Variants in SYNPR observed in about 807,000 individuals in gnomAD.
The protein encoded by SYNPR is synaptoporin.
Under a neutral mutation model 32.9 loss-of-function variants are expected in SYNPR, and 23 were observed. That is an observed-to-expected ratio of 0.70 (90% CI 0.50 to 0.99). SYNPR has a LOEUF of 0.99. SYNPR is among the 50% of genes least tolerant of loss of function. The pLI is 0.00. For missense variants in SYNPR, 318 were observed against 349.3 expected (o/e 0.91, Z 0.71); for synonymous variants, 146 against 135.9 (o/e 1.07, Z -0.52).
At position 63,344,620 on chromosome 3, in the gene SYNPR, T is replaced by C. The variant is rs1485430445; in HGVS notation, c.84+65878T>C. ...GTGTAAGGGAACCAACAAGAGGTAG[T>C]GCAATAACCTGGGATTTGTGTAACT... On this transcript the variant is annotated intron_variant, in intron 2 of 5. Coordinates refer to ENST00000478300, the MANE Select transcript of SYNPR (RefSeq NM_001130003.2). 2.3e-4 allele frequency among the ~76,000 whole-genome samples: 34 copies of C among 147,696 alleles called. 1 individual carries two copies. The highest frequency in any genetic ancestry group is 5.9e-5 in the Non-Finnish European group (4 of 67,564).
At chr3:63,209,876 T>C in the SYNPR span, among the ~76,000 whole-genome samples, 1 of 152,202 alleles carries the variant, frequency 6.6e-6, no homozygotes, top group Non-Finnish European at 1.5e-5. Context: ...GGAAGCTCCA[T>C]GAAACATGGA....
chr3:63,489,985 T>A (rs1701229588), intron 3 of SYNPR, among the ~76,000 whole-genome samples: 1 of 152,016 alleles, frequency 6.6e-6, no homozygotes, highest in Non-Finnish European at 1.5e-5. Flanking sequence ...AGGGATGCAA[T>A]CCCAGTAGGT....
intron 4 of SYNPR, among the ~76,000 whole-genome samples, chr3:63,600,359 G>A (rs943875784): frequency 5.3e-5 from 8 of 152,126 alleles, no homozygotes; most frequent in African/African-American, 9.7e-5. Context: ...CAAATCAATG[G>A]GCTCCCTGCC....
At chr3:63,430,762 C>T (rs540783608) in intron 2 of SYNPR, among the ~76,000 whole-genome samples, 226 of 152,164 alleles carry the variant, frequency 1.5e-3, no homozygotes, top group Non-Finnish European at 2.5e-3. Flanking sequence ...TTTTGCTTAG[C>T]TCCATTTTTT....
At chr3:63,337,816 T>G (rs967994876) in intron 2 of SYNPR, among the ~76,000 whole-genome samples, 1 of 151,984 alleles carries the variant, frequency 6.6e-6, no homozygotes, top group African/African-American at 2.4e-5. Flanking sequence ...AAGGCAAAAC[T>G]ATAGAAACCA....
intron 2 of SYNPR, among the ~76,000 whole-genome samples, chr3:63,347,330 T>G (rs1480075594): frequency 3.3e-5 from 5 of 152,240 alleles, no homozygotes; most frequent in African/African-American, 1.2e-4. Flanking sequence ...TGATAAATTC[T>G]AGAATTTTCT....
Position 63,390,436 on chromosome 3 carries a change from G to A in SYNPR, c.85-90396G>A, listed in dbSNP as rs562967750. 2.6e-5 allele frequency among the ~76,000 whole-genome samples: 4 copies of A among 152,258 alleles called. No individual in the cohort carries two copies. The South Asian group carries it at 8.3e-4, about 32-fold the overall frequency. ...AATGAGAGTGTACACCTAACAGAAA[G>A]GGATCTGAGCTGACCCCTAAAAGAA... On this transcript the variant is annotated intron_variant, in intron 2 of 5. Transcript: ENST00000478300.
chr3:63,474,183 G>C (rs114499613), intron 2 of SYNPR, among the ~76,000 whole-genome samples: 1 of 152,132 alleles, frequency 6.6e-6, no homozygotes, highest in Non-Finnish European at 1.5e-5. Context: ...AAGAACATTG[G>C]AGATTTTACC....
chr3:63,493,144 G>T (rs189079103), intron 3 of SYNPR, among the ~76,000 whole-genome samples: 106 of 152,166 alleles, frequency 7.0e-4, no homozygotes, highest in Non-Finnish European at 1.4e-3. Flanking sequence ...GGTCAAGCTG[G>T]TGTCAACTGA....
At chr3:63,608,445 G>A (rs1360696186) in intron 4 of SYNPR, among the ~76,000 whole-genome samples, 1 of 152,102 alleles carries the variant, frequency 6.6e-6, no homozygotes, top group East Asian at 1.9e-4. Context: ...ATTATTGTAA[G>A]AATAATTTTA....
At chr3:63,422,586 G>T (rs1699820763) in intron 2 of SYNPR, among the ~76,000 whole-genome samples, 1 of 152,000 alleles carries the variant, frequency 6.6e-6, no homozygotes, top group African/African-American at 2.4e-5. Flanking sequence ...CATCAGTTAT[G>T]CCTCAATAAA....
chr3:63,512,553 A>C (rs1027880326), intron 3 of SYNPR, among the ~76,000 whole-genome samples: 4 of 152,224 alleles, frequency 2.6e-5, no homozygotes, highest in African/African-American at 9.6e-5. Flanking sequence ...GAAAGAGGGA[A>C]AGTAGAAGAG....
At chr3:63,474,637 G>C (rs988686163) in intron 2 of SYNPR, among the ~76,000 whole-genome samples, 2 of 152,080 alleles carry the variant, frequency 1.3e-5, no homozygotes, top group Non-Finnish European at 2.9e-5. Flanking sequence ...TACTTGCACT[G>C]TGGAAACTGG....
chr3:63,264,858 A>G (rs2086469952), intron 2 of SYNPR, among the ~76,000 whole-genome samples: 1 of 151,918 alleles, frequency 6.6e-6, no homozygotes, highest in African/African-American at 2.4e-5. Flanking sequence ...CGCTTATAAA[A>G]CCGTCAGATC....
intron 5 of SYNPR, 145 bp downstream of exon 5, chr3:63,609,461 GGATGATCACTTGGCCCTCAGGTTTCTTA>G: frequency 1.6e-6 from 1 of 627,086 alleles, no homozygotes; most frequent in Non-Finnish European, 2.5e-6. Flanking sequence ...CTCAGGTACA[GGATGATCACTTGGCCCTCAGGTTTCTTA>G]TTGTCAGAAT....
chr3:63,252,724 G>T (rs1338734014), intron 2 of SYNPR: 1 of 152,080 alleles, frequency 6.6e-6, no homozygotes, highest in African/African-American at 2.4e-5. Context: ...CAAATCACCA[G>T]AATTTATATA....
chr3:63,288,620 A>T (rs923012731), intron 2 of SYNPR, among the ~76,000 whole-genome samples: 2 of 152,230 alleles, frequency 1.3e-5, no homozygotes, highest in African/African-American at 4.8e-5. Context: ...TTGCCTAATG[A>T]TAAGATGATT....
intron 2 of SYNPR, among the ~76,000 whole-genome samples, chr3:63,435,103 C>T (rs964824465): frequency 6.6e-6 from 1 of 152,192 alleles, no homozygotes; most frequent in Non-Finnish European, 1.5e-5. Flanking sequence ...TGCCCATCTC[C>T]CACCTTGTAT....
At chr3:63,435,721 T>C (rs4580545) in intron 2 of SYNPR, among the ~76,000 whole-genome samples, 1,535 of 152,334 alleles carry the variant, frequency 0.01, 17 homozygotes, top group East Asian at 0.034. Context: ...TTTGGTTATT[T>C]GAATGTACCA....
Sources: gnomAD v4.1 joint callset for allele counts (sites outside exome capture counted in the v4.1 genomes callset) on GRCh38, gnomAD v4.1.1 for gene constraint, MANE v1.5 for transcripts, NCBI Gene and HGNC (gene_info 2026-07-23, HGNC 2026-07-21) for gene names.